TAB2: variants seen among roughly 807,000 people sequenced by gnomAD.
The protein encoded by TAB2 is TGF-beta-activated kinase 1 and MAP3K7-binding protein 2.
A neutral mutation model predicts 65.0 loss-of-function variants in TAB2; 3 were observed. The observed-to-expected ratio is 0.05, with a 90% CI of 0.02 to 0.12. TAB2 has a LOEUF of 0.12. Among genes scored for constraint, TAB2 ranks in the 10% least tolerant of loss-of-function variants. The probability of loss-of-function intolerance (pLI) is 1.00; values close to 1 mark genes in which losing one functional copy is unlikely to be tolerated. For missense variants in TAB2, 623 were observed against 840.3 expected (o/e 0.74, Z 3.20); for synonymous variants, 298 against 285.1 (o/e 1.05, Z -0.46).
At chr6:149,374,848 A>G (rs1018586214) in intron 2 of TAB2, among the ~76,000 whole-genome samples, 2 of 152,218 alleles carry the variant, frequency 1.3e-5, no homozygotes, top group African/African-American at 4.8e-5. Context: ...GGGAAATTCT[A>G]CTACACAAAT....
chr6:149,258,195 A>T (rs1778079502), intron 1 of TAB2, among the ~76,000 whole-genome samples: 1 of 152,126 alleles, frequency 6.6e-6, no homozygotes, highest in African/African-American at 2.4e-5. Flanking sequence ...GAAGGCAGTG[A>T]GTCTCTACTC....
chr6:149,343,510 G>C (rs909952034), intron 1 of TAB2, among the ~76,000 whole-genome samples: 1 of 151,668 alleles, frequency 6.6e-6, no homozygotes, highest in Admixed American at 6.6e-5. Flanking sequence ...TTCAGTAATT[G>C]GAAATTAGAC....
chr6:149,406,783 A>G (rs950148580), intron 6 of TAB2, among the ~76,000 whole-genome samples: 5 of 152,074 alleles, frequency 3.3e-5, no homozygotes, highest in South Asian at 2.1e-4. Context: ...CAATGGCGCA[A>G]TCTCGGCTCA....
At chr6:149,223,986 T>C (rs1777214183) in intron 1 of TAB2, among the ~76,000 whole-genome samples, 1 of 152,142 alleles carries the variant, frequency 6.6e-6, no homozygotes, top group Admixed American at 6.5e-5. Context: ...TGGCTCCTAG[T>C]AACCTCTTTG....
At chr6:149,305,317 TC>T (rs1223354891) in intron 1 of TAB2, among the ~76,000 whole-genome samples, 2 of 152,310 alleles carry the variant, frequency 1.3e-5, no homozygotes, top group East Asian at 3.9e-4. Context: ...ATTAACATAA[TC>T]TAATGTCAAA....
chr6:149,316,979 A>C (rs1056963387), upstream of TAB2, among the ~76,000 whole-genome samples: 2 of 150,498 alleles, frequency 1.3e-5, no homozygotes, highest in African/African-American at 4.9e-5. Flanking sequence ...GACCGCAGCG[A>C]CCCGGCGCCA....
In TAB2 at chr6:149,378,844, G is replaced by C; in HGVS notation, c.929G>C (p.Ser310Thr). Residue 310 changes from serine (S) to threonine (T), a missense_variant, in exon 3 of 7, where the codon AGC becomes ACC. Transcript: ENST00000637181. Reference sequence around the variant, plus strand: ...GGTAGCTCACAGTCTTCTGCCCATAGCCAATATAACATTCAGAATATTTCA... The same window carrying C: ...GGTAGCTCACAGTCTTCTGCCCATACCCAATATAACATTCAGAATATTTCA... ...SSGSSQSSAH[S>T]QYNIQNISTG... 1 of 1,614,030 alleles carries C rather than the reference G, an allele frequency of 6.2e-7. No homozygotes were observed. Among genetic ancestry groups the C allele is most frequent in the Non-Finnish European group, 8.5e-7 (1 of 1,180,020 alleles).
chr6:149,400,793 G>C (rs1782358755), intron 6 of TAB2: 1 of 1,158,068 alleles, frequency 8.6e-7, no homozygotes, highest in South Asian at 1.5e-5. Context: ...CTACAGTATA[G>C]TTTTCTCTAT....
chr6:149,319,007 T>A (rs1386828899), intron 1 of TAB2, among the ~76,000 whole-genome samples: 3 of 152,190 alleles, frequency 2.0e-5, no homozygotes, highest in Non-Finnish European at 4.4e-5. Flanking sequence ...GTACCCTTAT[T>A]CATTGGAAAG....
At chr6:149,259,302 A>T (rs1778103280) in intron 1 of TAB2, among the ~76,000 whole-genome samples, 1 of 151,792 alleles carries the variant, frequency 6.6e-6, no homozygotes, top group Non-Finnish European at 1.5e-5. Flanking sequence ...CACAGTGCAG[A>T]CATAGAAAGG....
At chr6:149,336,456 A>G (rs538039307) in intron 1 of TAB2, among the ~76,000 whole-genome samples, 16 of 152,218 alleles carry the variant, frequency 1.1e-4, no homozygotes, top group Admixed American at 7.2e-4. Context: ...ATATGTGCCT[A>G]TATTATGTAT....
Position 149,397,710 on chromosome 6 carries a change from T to C in TAB2, c.1710T>C (p.Asn570=). Residue 570 remains asparagine (N), a synonymous_variant, in exon 4 of 7, where the codon AAT becomes AAC. Coordinates refer to ENST00000637181, the MANE Select transcript of TAB2 (RefSeq NM_001292034.3). The stretch of plus-strand genomic sequence containing the variant: ...AATCTGAGGTTAATGAAATGGAAAA[T>C]AATCTAACTCGAAGGCGCCTGAAAA... ...KLKSEVNEME[N]NLTRRRLKRS... 1.9e-6 allele frequency: 3 copies of C among 1,613,964 alleles called. No individual in the cohort carries two copies. The highest frequency in any genetic ancestry group is 2.5e-6 in the Non-Finnish European group (3 of 1,179,982).
At chr6:149,398,395 A>G (rs753145626) in intron 5 of TAB2, among the ~76,000 whole-genome samples, 3 of 152,228 alleles carry the variant, frequency 2.0e-5, no homozygotes, top group Non-Finnish European at 2.9e-5. Context: ...CTAAAAGGAA[A>G]TGTTATCACT....
intron 1 of TAB2, among the ~76,000 whole-genome samples, chr6:149,250,981 T>G (rs191363808): frequency 3.3e-5 from 5 of 152,336 alleles, no homozygotes; most frequent in African/African-American, 1.2e-4. Context: ...TTCCAAAGGA[T>G]ATTTGCTGTC....
chr6:149,357,055 T>C (rs1388997370), intron 1 of TAB2, among the ~76,000 whole-genome samples: 1 of 152,202 alleles, frequency 6.6e-6, no homozygotes, highest in Non-Finnish European at 1.5e-5. Flanking sequence ...GGCTGAAAAC[T>C]GAAATAACCA....
At chr6:149,272,824 C>A (rs1199112320) in intron 1 of TAB2, among the ~76,000 whole-genome samples, 2 of 152,186 alleles carry the variant, frequency 1.3e-5, no homozygotes, top group African/African-American at 4.8e-5. Flanking sequence ...GCCACAAAAT[C>A]TTTGGCAATA....
At position 149,250,746 on chromosome 6, in the gene TAB2, G is replaced by A. The variant is rs1366540928; in HGVS notation, c.-121+31970G>A. ...CAGCACACCGGCTATTTTTTACCAG[G>A]TACGTTGAATTGATGAGGCTATCCT... On this transcript the variant is annotated intron_variant, in intron 1 of 1. Coordinates refer to the TAB2 transcript ENST00000606202. 2.6e-5 allele frequency among the ~76,000 whole-genome samples: 4 copies of A among 152,276 alleles called. No homozygotes were observed. The East Asian group carries it at 7.7e-4, about 29-fold the overall frequency.
In TAB2 at chr6:149,398,090, A is replaced by G. The variant is rs746518487; in HGVS notation, c.1858+28A>G. ...AAAGTTCAGTGTATTTGTAGCTGAA[A>G]TTCATCGTATTTAATTCACCAGCAG... is the stretch of plus-strand genomic sequence containing the variant. On this transcript the variant is annotated intron_variant, in intron 5 of 6. Transcript: ENST00000637181. 6 of 1,579,412 alleles carry G rather than the reference A, an allele frequency of 3.8e-6. No homozygotes were observed. The East Asian group carries it at 9.0e-5, about 24-fold the overall frequency.
At chr6:149,401,723 A>G (rs997746849) in intron 6 of TAB2, among the ~76,000 whole-genome samples, 2 of 152,192 alleles carry the variant, frequency 1.3e-5, no homozygotes, top group African/African-American at 4.8e-5. Context: ...GTTAGTTCAC[A>G]AAACGAGTTT....
Sources: allele counts gnomAD v4.1 joint callset (sites outside exome capture counted in the v4.1 genomes callset), GRCh38; gene constraint gnomAD v4.1.1; transcripts MANE v1.5; gene names NCBI Gene and HGNC (gene_info 2026-07-23, HGNC 2026-07-21).